Variants in GRM4 observed in about 807,000 individuals in gnomAD.
The protein encoded by GRM4 is metabotropic glutamate receptor 4.
Under a neutral mutation model 81.7 loss-of-function variants are expected in GRM4, and 28 were observed. The ratio of observed to expected loss-of-function variants is 0.34; its 90% CI spans 0.25 to 0.47. The LOEUF (loss-of-function observed/expected upper bound fraction) is 0.47. GRM4 is among the 20% of genes least tolerant of loss of function. The pLI is 1.00. For synonymous variants in GRM4, 488 were observed against 528.8 expected (o/e 0.92, Z 1.06); for missense variants, 948 against 1,290.0 (o/e 0.73, Z 4.06).
chr6:34,074,592 C>T lies in GRM4; in HGVS notation c.737-12564G>A, dbSNP rs1014850381. Among the ~76,000 whole-genome samples the T allele has an allele frequency of 3.5e-5, 5 of 141,634 alleles. No homozygotes were observed. The highest frequency in any genetic ancestry group is 6.9e-5 in the Admixed American group (1 of 14,574). 92.9% of individuals were successfully genotyped at this position (141,634 alleles called of 152,430 possible). A position where few individuals can be genotyped will look rare whatever the true frequency, so the allele number is the denominator to read the frequency against. The stretch of plus-strand genomic sequence containing the variant: ...AGTGTGGCTCAGAGCTGAGCCCTGC[C>T]GTCCCCTGCCAGGAGAGGAGGCCGC... On this transcript the variant is annotated intron_variant, in intron 3 of 10. Coordinates refer to ENST00000538487, the MANE Select transcript of GRM4 (RefSeq NM_000841.4). The surrounding 1 kb of genome is among the most constrained non-coding windows in gnomAD (Gnocchi z 4.9).
At chr6:34,085,142 T>C (rs1318822262) in intron 3 of GRM4, among the ~76,000 whole-genome samples, 1 of 152,178 alleles carries the variant, frequency 6.6e-6, no homozygotes, top group Non-Finnish European at 1.5e-5. Context: ...TACAGAGTCA[T>C]ATGCTATGCT....
At chr6:34,026,758 C>T (rs1764151928) in intron 10 of GRM4, among the ~76,000 whole-genome samples, 1 of 152,202 alleles carries the variant, frequency 6.6e-6, no homozygotes, top group Non-Finnish European at 1.5e-5. Context: ...TGCCCTGTCA[C>T]AGCACCCGCG....
intron 6 of GRM4, among the ~76,000 whole-genome samples, chr6:34,046,942 G>C (rs1363995144): frequency 1.3e-5 from 2 of 152,062 alleles, no homozygotes; most frequent in African/African-American, 4.8e-5. Context: ...AAAACAAGGG[G>C]GTCCCAGAAC....
In GRM4 at chr6:34,072,480, CCA is replaced by C. The variant is rs1766973672; in HGVS notation, c.737-10454_737-10453del. Among the ~76,000 whole-genome samples, 6 of 145,058 alleles carry C rather than the reference CCA, an allele frequency of 4.1e-5. No homozygotes were observed. The South Asian group carries it at 1.3e-3, about 33-fold the overall frequency. On this transcript the variant is annotated intron_variant, in intron 3 of 10. Transcript: ENST00000538487. ...CACATACCACCATACAGATACACACCCACACACATCACACAGATACAAACCAC... is the reference window on the plus strand; with the variant it reads ...CACATACCACCATACAGATACACACCCACACATCACACAGATACAAACCAC...
chr6:34,113,863 G>A (rs978009246), intron 2 of GRM4, among the ~76,000 whole-genome samples: 1 of 152,192 alleles, frequency 6.6e-6, no homozygotes, highest in East Asian at 1.9e-4. Flanking sequence ...TGCACCTGGA[G>A]TAAAAGTTCT....
chr6:34,058,737 A>G (rs1413376732), intron 5 of GRM4, among the ~76,000 whole-genome samples: 3 of 152,134 alleles, frequency 2.0e-5, no homozygotes, highest in Admixed American at 2.0e-4. Flanking sequence ...CTTCCACCCC[A>G]AAAATGTCTG....
chr6:34,065,399 A>G (rs529500627), intron 3 of GRM4, among the ~76,000 whole-genome samples: 1 of 152,204 alleles, frequency 6.6e-6, no homozygotes, highest in Non-Finnish European at 1.5e-5. Flanking sequence ...CCATGGGTCC[A>G]TACTGAGAGT....
chr6:34,065,070 A>G (rs2127464145), intron 3 of GRM4, among the ~76,000 whole-genome samples: 1 of 152,280 alleles, frequency 6.6e-6, no homozygotes, highest in South Asian at 2.1e-4. Flanking sequence ...GCAGTGTTTC[A>G]TGTGCCGGAG....
exon 1 of GRM4, chr6:34,155,143 T>C: frequency 6.5e-7 from 1 of 1,534,860 alleles, no homozygotes; most frequent in Non-Finnish European, 8.7e-7. Context: ...GCTTCCCAGC[T>C]GGGCGGCCGC....
chr6:34,056,446 C>T, intron 6 of GRM4, 98 bp downstream of exon 6: 7 of 1,144,766 alleles, frequency 6.1e-6, no homozygotes, highest in Non-Finnish European at 8.7e-6. Flanking sequence ...GGCCGGCCGA[C>T]GACAGACAAA....
chr6:34,136,874 A>G lies in GRM4; in HGVS notation c.-363-3015T>C, dbSNP rs972467233. Among the ~76,000 whole-genome samples, 1 of 146,322 alleles carries G rather than the reference A, an allele frequency of 6.8e-6. No individual in the cohort carries two copies. Among genetic ancestry groups the G allele is most frequent in the African/African-American group, 2.5e-5 (1 of 40,324 alleles). Reference sequence around the variant, plus strand: ...CTCCTTTGATCATGTAACAGGAACAAGGGAAAAGTAAAAATACCCCATGAG... The same window carrying G: ...CTCCTTTGATCATGTAACAGGAACAGGGGAAAAGTAAAAATACCCCATGAG... On this transcript the variant is annotated intron_variant, in intron 1 of 10. Transcript: ENST00000538487. This position sits in a 1 kb window ranked among gnomAD's most constrained non-coding sequence, Gnocchi z 4.1.
At position 34,121,382 on chromosome 6, in the gene GRM4, C is replaced by G. The variant is rs1377821940; in HGVS notation, c.519+11596G>C. On this transcript the variant is annotated intron_variant, in intron 2 of 10. Transcript: ENST00000538487. This position sits in a 1 kb window ranked among gnomAD's most constrained non-coding sequence, Gnocchi z 4.6. ...GAGAGAAGACTGCACTGAACATAAACACCACCCTCTCCAGGGCCCTGACAG... is the reference window on the plus strand; with the variant it reads ...GAGAGAAGACTGCACTGAACATAAAGACCACCCTCTCCAGGGCCCTGACAG... Among the ~76,000 whole-genome samples the G allele has an allele frequency of 1.3e-5, 2 of 152,220 alleles. No homozygotes were observed. Among genetic ancestry groups the G allele is most frequent in the African/African-American group, 4.8e-5 (2 of 41,444 alleles).
Position 34,040,620 on chromosome 6 carries a change from C to T in GRM4, c.1297G>A (p.Gly433Arg), listed in dbSNP as rs1329472932. ...MHRDLCPGRV[G>R]LCPRMDPVDG... The stretch of plus-strand genomic sequence containing the variant: ...ACAGGGTCCATGCGCGGGCAGAGCC[C>T]CACGCGGCCGGGACACAGGTCACGG... Residue 433 changes from glycine to arginine, a missense_variant, in exon 7 of 11, where the codon GGG becomes AGG. Gly to Arg is a moderately radical substitution (Grantham distance 125, BLOSUM62 -2). Coordinates refer to ENST00000538487, the MANE Select transcript of GRM4 (RefSeq NM_000841.4). The T allele has an allele frequency of 6.2e-7, 1 of 1,614,168 alleles. No homozygotes were observed. The highest frequency in any genetic ancestry group is 1.7e-5 in the Admixed American group (1 of 60,020).
At position 34,036,962 on chromosome 6, in the gene GRM4, C is replaced by G. The variant is rs1031905912; in HGVS notation, c.1507-359G>C. The stretch of plus-strand genomic sequence containing the variant: ...CTGACTCTTAGCCCCTAAGGCCTTG[C>G]TGCTCACAGTGGTCCCCAGGGCGGC... On this transcript the variant is annotated intron_variant, in intron 8 of 10. Transcript: ENST00000538487. This position sits in a 1 kb window ranked among gnomAD's most constrained non-coding sequence, Gnocchi z 9.0. Among the ~76,000 whole-genome samples, 1 of 152,200 alleles carries G rather than the reference C, an allele frequency of 6.6e-6. No individual in the cohort carries two copies. Among genetic ancestry groups the G allele is most frequent in the African/African-American group, 2.4e-5 (1 of 41,440 alleles).
intron 2 of GRM4, among the ~76,000 whole-genome samples, chr6:34,132,681 G>C (rs1236039726): frequency 6.6e-6 from 1 of 152,168 alleles, no homozygotes; most frequent in Non-Finnish European, 1.5e-5. Context: ...AGAGAGGAGT[G>C]GAGTTGCTCA....
chr6:34,029,607 A>G (rs1349846581), intron 9 of GRM4, among the ~76,000 whole-genome samples: 1 of 152,214 alleles, frequency 6.6e-6, no homozygotes, highest in Non-Finnish European at 1.5e-5. Context: ...CATAGGGCCT[A>G]AAAGGAGAAT....
At chr6:34,098,700 C>A (rs943753531) in intron 2 of GRM4, among the ~76,000 whole-genome samples, 2 of 152,232 alleles carry the variant, frequency 1.3e-5, no homozygotes, top group Non-Finnish European at 2.9e-5. Context: ...CAGATAAAAG[C>A]CAGTGATGCT....
In GRM4 at chr6:34,064,278, T is replaced by C. The variant is rs1027451160; in HGVS notation, c.737-2250A>G. Among the ~76,000 whole-genome samples, 2 of 152,198 alleles carry C rather than the reference T, an allele frequency of 1.3e-5. No homozygotes were observed. The highest frequency in any genetic ancestry group is 2.9e-5 in the Non-Finnish European group (2 of 68,024). ...GTGTCCAATGCATGGGAAATGCTAT[T>C]CTGCAAATTTTACATGGATTCACTC... On this transcript the variant is annotated intron_variant, in intron 3 of 10. Coordinates refer to ENST00000538487, the MANE Select transcript of GRM4 (RefSeq NM_000841.4). This position sits in a 1 kb window ranked among gnomAD's most constrained non-coding sequence, Gnocchi z 4.4.
intron 2 of GRM4, among the ~76,000 whole-genome samples, chr6:34,108,168 C>T (rs989636884): frequency 1.3e-5 from 2 of 152,228 alleles, no homozygotes; most frequent in East Asian, 3.8e-4. Context: ...TCCGCAGCTC[C>T]GTGAGCTTGC....
Sources: gnomAD v4.1 joint callset for allele counts (sites outside exome capture counted in the v4.1 genomes callset) on GRCh38, gnomAD v4.1.1 for gene constraint, Gnocchi (gnomAD v3.1) non-coding constraint, MANE v1.5 for transcripts, NCBI Gene and HGNC (gene_info 2026-07-23, HGNC 2026-07-21) for gene names.